The following PPP2R5C variants were observed in gnomAD, a reference collection of about 807,000 sequenced individuals.
PPP2R5C encodes protein phosphatase 2 regulatory subunit B'gamma.
In PPP2R5C, 7 loss-of-function variants were observed where a neutral mutation model predicts 68.9. The observed-to-expected ratio is 0.10, with a 90% confidence interval of 0.06 to 0.19. PPP2R5C has a LOEUF of 0.19. Ranked by LOEUF, PPP2R5C falls within the 10% of genes least tolerant of loss-of-function variation. The probability of loss-of-function intolerance (pLI) is 1.00; values close to 1 mark genes in which losing one functional copy is unlikely to be tolerated. For missense variants in PPP2R5C, 348 were observed against 641.3 expected (o/e 0.54, Z 4.94); for synonymous variants, 210 against 222.2 (o/e 0.95, Z 0.49).
chr14:101,797,111 C>T lies in PPP2R5C; in HGVS notation c.259+10928C>T, dbSNP rs2038647405. The T allele has an allele frequency of 4.4e-6, 2 of 454,990 alleles. No individual in the cohort carries two copies. The highest frequency in any genetic ancestry group is 8.9e-6 in the Non-Finnish European group (2 of 225,952). The allele number at this position is 454,990 out of a possible 1,614,324, so 28.2% of individuals were successfully genotyped here. On this transcript the variant is annotated intron_variant, in intron 3 of 14. Coordinates refer to the PPP2R5C transcript ENST00000328724. The surrounding 1 kb of genome is among the most constrained non-coding windows in gnomAD (Gnocchi z 4.2). ...GCTGTCTCCCCATTCTGCTTTCTGT[C>T]TCTATGATTTTGCCCACAGTAGGAG...
intron 1 of PPP2R5C, among the ~76,000 whole-genome samples, chr14:101,810,501 G>A (rs938873176): frequency 8.5e-5 from 13 of 152,184 alleles, no homozygotes; most frequent in Admixed American, 8.5e-4. Flanking sequence ...CAGAAAATAT[G>A]CACAATTGAT....
intron 2 of PPP2R5C, among the ~76,000 whole-genome samples, chr14:101,768,997 TG>T (rs1399095948): frequency 6.6e-6 from 1 of 152,112 alleles, no homozygotes; most frequent in African/African-American, 2.4e-5. Flanking sequence ...GCTCATTTTT[TG>T]TATTTTTAGT....
intron 2 of PPP2R5C, among the ~76,000 whole-genome samples, chr14:101,858,228 A>G (rs2043592623): frequency 1.3e-5 from 2 of 152,090 alleles, no homozygotes; most frequent in Admixed American, 1.3e-4. Context: ...TTAACTCTCA[A>G]TTACTTTGGA....
At chr14:101,887,685 G>A (rs1406371401) in intron 5 of PPP2R5C, among the ~76,000 whole-genome samples, 1 of 152,202 alleles carries the variant, frequency 6.6e-6, no homozygotes, top group Non-Finnish European at 1.5e-5. Context: ...AGTTTGGCTT[G>A]GAACTGGTGC....
At chr14:101,904,503 C>T (rs1169156616) in intron 9 of PPP2R5C, among the ~76,000 whole-genome samples, 1 of 152,192 alleles carries the variant, frequency 6.6e-6, no homozygotes, top group Non-Finnish European at 1.5e-5. Flanking sequence ...AAGAACTAGC[C>T]TAGGAGCTGT....
Position 101,761,930 on chromosome 14 carries a change from G to C in PPP2R5C, c.27+10G>C. On this transcript the variant is annotated intron_variant, in intron 1 of 14. Coordinates refer to the PPP2R5C transcript ENST00000328724. The stretch of plus-strand genomic sequence containing the variant: ...AAACAAGAAGGAGAAAGTGAGTCCG[G>C]GCCCGGCCGCGGGACGGAGGGAGCA... The C allele has an allele frequency of 2.5e-6, 3 of 1,189,492 alleles. No homozygotes were observed. The highest frequency in any genetic ancestry group is 2.1e-6 in the Non-Finnish European group (2 of 951,286). The allele number at this position is 1,189,492 out of a possible 1,614,324, so 73.7% of individuals were successfully genotyped here.
chr14:101,813,034 G>C (rs940904784), intron 1 of PPP2R5C, among the ~76,000 whole-genome samples: 1 of 152,216 alleles, frequency 6.6e-6, no homozygotes, highest in Non-Finnish European at 1.5e-5. Context: ...TGTGAATGTA[G>C]CTTGGTGACA....
In PPP2R5C at chr14:101,845,838, C is replaced by G. The variant is rs545865264; in HGVS notation, c.95-10848C>G. Among the ~76,000 whole-genome samples, 8 of 152,262 alleles carry G rather than the reference C, an allele frequency of 5.3e-5. No homozygotes were observed. The South Asian group carries it at 1.7e-3, about 32-fold the overall frequency. On this transcript the variant is annotated intron_variant, in intron 1 of 13. Transcript: ENST00000334743. Reference sequence around the variant, plus strand: ...CATGTGTACAACAAAGCTGGATAAACCACAGCATTGGAACGTTATGGTGGA... The same window carrying G: ...CATGTGTACAACAAAGCTGGATAAAGCACAGCATTGGAACGTTATGGTGGA...
intron 2 of PPP2R5C, among the ~76,000 whole-genome samples, chr14:101,863,960 G>A (rs1425289319): frequency 2.0e-5 from 3 of 152,174 alleles, no homozygotes; most frequent in African/African-American, 7.2e-5. Context: ...CTCTGGGGGT[G>A]TGTTGCAGTG....
At chr14:101,850,909 A>G (rs2042121235) in intron 1 of PPP2R5C, among the ~76,000 whole-genome samples, 1 of 152,238 alleles carries the variant, frequency 6.6e-6, no homozygotes, top group African/African-American at 2.4e-5. Context: ...TTTAGTACAT[A>G]TTAATGATGA....
chr14:101,868,754 A>G (rs1430459084), intron 2 of PPP2R5C, among the ~76,000 whole-genome samples: 1 of 152,234 alleles, frequency 6.6e-6, no homozygotes, highest in African/African-American at 2.4e-5. Flanking sequence ...CTTATGACCT[A>G]GTGAATATCT....
chr14:101,837,567 A>G (rs1432943041), intron 1 of PPP2R5C, among the ~76,000 whole-genome samples: 1 of 152,250 alleles, frequency 6.6e-6, no homozygotes, highest in Non-Finnish European at 1.5e-5. Flanking sequence ...AAAAATAGAA[A>G]TAAACACACA....
intron 1 of PPP2R5C, among the ~76,000 whole-genome samples, chr14:101,854,932 G>C (rs952026166): frequency 2.6e-5 from 4 of 152,186 alleles, no homozygotes; most frequent in African/African-American, 9.7e-5. Flanking sequence ...CACTTTGGGA[G>C]GCCAAGGCAA....
intron 1 of PPP2R5C, chr14:101,810,129 T>G: frequency 8.4e-7 from 1 of 1,187,972 alleles, no homozygotes; most frequent in South Asian, 1.3e-5. Flanking sequence ...GGAAGTCCTT[T>G]CTAGCAGAAT....
intron 1 of PPP2R5C, chr14:101,836,337 C>T (rs1191083366): frequency 1.4e-6 from 1 of 702,440 alleles, no homozygotes; most frequent in Non-Finnish European, 2.6e-6. Context: ...TCTTCCTCTA[C>T]TCCCGACCTG....
In PPP2R5C at chr14:101,910,419, G is replaced by A. The variant is rs113245753; in HGVS notation, c.1253+729G>A. 6.3e-3 allele frequency among the ~76,000 whole-genome samples: 900 copies of A among 142,566 alleles called. 5 individuals carry two copies. Among genetic ancestry groups the A allele is most frequent in the African/African-American group, 0.019 (677 of 35,622 alleles). The allele number at this position is 142,566 out of a possible 152,430, so 93.5% of individuals were successfully genotyped here. ...TGTATCTATGTGTGTGTGTGTGTGTGTATATATATGAAACAACTGCCATTT... is the reference window on the plus strand; with the variant it reads ...TGTATCTATGTGTGTGTGTGTGTGTATATATATATGAAACAACTGCCATTT... On this transcript the variant is annotated intron_variant, in intron 11 of 13. Coordinates refer to ENST00000334743, the Ensembl canonical transcript of PPP2R5C.
At chr14:101,762,733 C>T (rs1368473810) in intron 1 of PPP2R5C, among the ~76,000 whole-genome samples, 172 bp from the exon 2 acceptor site, 4 of 151,904 alleles carry the variant, frequency 2.6e-5, no homozygotes, top group Non-Finnish European at 5.9e-5. Context: ...GGTTGGGGGG[C>T]ATTGCACTGT....
rs775833821 is a variant in PPP2R5C at position 101,883,355 on chromosome 14, G to A, written c.498+6G>A. On this transcript the variant is annotated splice_donor_region_variant and intron_variant, in intron 4 of 13. Coordinates refer to ENST00000334743, the Ensembl canonical transcript of PPP2R5C. Reference sequence around the variant, plus strand: ...ATCAGAAGTTTGTATTGCAGGTAAGGTACAAATTAGCTGACACTCTGAAAG... The same window carrying A: ...ATCAGAAGTTTGTATTGCAGGTAAGATACAAATTAGCTGACACTCTGAAAG... 19 of 1,605,564 alleles carry A rather than the reference G, an allele frequency of 1.2e-5. No individual in the cohort carries two copies. Among genetic ancestry groups the A allele is most frequent in the Non-Finnish European group, 1.6e-5 (19 of 1,176,262 alleles).
intron 3 of PPP2R5C, among the ~76,000 whole-genome samples, chr14:101,799,211 C>T (rs2038751804): frequency 6.6e-6 from 1 of 152,174 alleles, no homozygotes; most frequent in East Asian, 1.9e-4. Flanking sequence ...TCTGCTGCAT[C>T]CCCACGCCGC....
Sources: gnomAD v4.1 joint callset for allele counts (sites outside exome capture counted in the v4.1 genomes callset) on GRCh38, gnomAD v4.1.1 for gene constraint, Gnocchi (gnomAD v3.1) non-coding constraint, MANE v1.5 for transcripts, NCBI Gene and HGNC (gene_info 2026-07-23, HGNC 2026-07-21) for gene names.